The following PLB1 variants were observed in gnomAD, a reference collection of about 807,000 sequenced individuals.
PLB1 encodes the protein phospholipase B1.
A neutral mutation model predicts 227.4 loss-of-function variants in PLB1; 242 were observed. That is an observed-to-expected ratio of 1.06 (90% CI 0.96 to 1.18). The LOEUF (loss-of-function observed/expected upper bound fraction) is 1.18, where lower values mean the gene tolerates loss of function less well. PLB1 is among the 50% of genes most tolerant of loss of function. PLB1 has a pLI of 0.00. For synonymous variants in PLB1, 757 were observed against 682.2 expected, an observed-to-expected ratio of 1.11 and a Z score of -1.71; for missense variants, 1,858 against 1,816.3, an observed-to-expected ratio of 1.02 and a Z score of -0.42.
intron 44 of PLB1, among the ~76,000 whole-genome samples, chr2:28,616,890 G>A (rs934509828): frequency 1.3e-5 from 2 of 152,154 alleles, no homozygotes; most frequent in African/African-American, 4.8e-5. Flanking sequence ...CTGAACAGAT[G>A]AGATGAGTTT....
In PLB1 at chr2:28,525,970, A is replaced by G. The variant is rs148236420; in HGVS notation, c.325+25A>G. On this transcript the variant is annotated intron_variant, in intron 6 of 57. Coordinates refer to ENST00000327757, the MANE Select transcript of PLB1 (RefSeq NM_153021.5). ...GGTGAGTTGTGGTTTTCACGGCCAG[A>G]TTTCAGAGTGCCCCTCTCCTTCCCA... The G allele has an allele frequency of 2.5e-5, 41 of 1,613,816 alleles. No individual in the cohort carries two copies. The African/African-American group carries it at 4.5e-4, about 18-fold the overall frequency.
In PLB1 at chr2:28,541,763, C is replaced by T. The variant is rs757566419; in HGVS notation, c.831C>T (p.Thr277=). The T allele has an allele frequency of 1.6e-4, 256 of 1,613,920 alleles. No homozygotes were observed. The highest frequency in any genetic ancestry group is 9.0e-4 in the South Asian group (82 of 91,084). The part of the protein sequence containing the change: ...SSRYSEQESF[T]VVFQPFFYET... ...GGTACAGTGAGCAGGAGTCCTTCAC[C>T]GTGGTTTTCCAGCCTTTCTTCTATG... The change falls in exon 13 of 58, where the codon ACC becomes ACT. Residue 277 remains threonine (T), a synonymous_variant. Transcript: ENST00000327757.
chr2:28,594,819 G>A (rs1157790459), intron 33 of PLB1: 1 of 152,150 alleles, frequency 6.6e-6, no homozygotes, highest in African/African-American at 2.4e-5. Context: ...AGGCTGCCAT[G>A]GAACAAATCA....
intron 22 of PLB1, among the ~76,000 whole-genome samples, chr2:28,578,795 A>G (rs1444009119): frequency 3.3e-5 from 5 of 152,224 alleles, no homozygotes; most frequent in African/African-American, 1.2e-4. Flanking sequence ...AATGTACATC[A>G]AAGTCTATTA....
chr2:28,524,779 C>G (rs974677870), intron 4 of PLB1, among the ~76,000 whole-genome samples: 2 of 151,796 alleles, frequency 1.3e-5, no homozygotes, highest in Admixed American at 6.6e-5. Context: ...GCAGAGGAAG[C>G]CAAGAACTTT....
intron 53 of PLB1, among the ~76,000 whole-genome samples, chr2:28,629,815 G>A (rs1327032338): frequency 6.6e-6 from 1 of 152,208 alleles, no homozygotes; most frequent in African/African-American, 2.4e-5. Context: ...GGGGCTGGAA[G>A]TCATTAAAGC....
At chr2:28,534,240 T>C (rs988099569) in intron 9 of PLB1, among the ~76,000 whole-genome samples, 1 of 152,230 alleles carries the variant, frequency 6.6e-6, no homozygotes, top group Non-Finnish European at 1.5e-5. Flanking sequence ...CTGATGGCCA[T>C]GTAGGTATTT....
At position 28,620,895 on chromosome 2, in the gene PLB1, C is replaced by T. The variant is rs754896824; in HGVS notation, c.3444C>T (p.Phe1148=). 1 of 1,613,916 alleles carries T rather than the reference C, an allele frequency of 6.2e-7. No homozygotes were observed. The highest frequency in any genetic ancestry group is 1.1e-5 in the South Asian group (1 of 91,068). The part of the protein sequence containing the change: ...HTTLPNILKK[F]NPYLLGFSTS... ...CCTCTAAAGACATTCTGAAGAAGTT[C>T]AACCCTTACCTCCTTGGCTTCTCTA... Residue 1148 remains phenylalanine (F), a synonymous_variant, in exon 49 of 58, where the codon TTC becomes TTT. Transcript: ENST00000327757.
intron 12 of PLB1, among the ~76,000 whole-genome samples, chr2:28,541,185 TTAAA>T (rs35262780): frequency 6.7e-5 from 10 of 149,994 alleles, no homozygotes; most frequent in Non-Finnish European, 8.9e-5. Flanking sequence ...AATAAATAAA[TTAAA>T]TAAATAAATA....
rs1553448752 is a variant in PLB1 at position 28,597,263 on chromosome 2, C to CA, written c.2322-742_2322-741insA. ...TGGGCGACAGAGCAAGACTCCGTCT[C>CA]GAAAAAAAAAAAAAAAAAAATCCAT... is the stretch of plus-strand genomic sequence containing the variant. On this transcript the variant is annotated intron_variant, in intron 33 of 57. Transcript: ENST00000327757. Among the ~76,000 whole-genome samples the CA allele has an allele frequency of 1.4e-4, 14 of 103,638 alleles. 1 individual carries two copies. Among genetic ancestry groups the CA allele is most frequent in the African/African-American group, 4.1e-4 (12 of 29,422 alleles). 68.0% of individuals were successfully genotyped at this position (103,638 alleles called of 152,430 possible). A position where few individuals can be genotyped will look rare whatever the true frequency, so the allele number is the denominator to read the frequency against.
chr2:28,563,831 C>G (rs1407462971), intron 18 of PLB1, among the ~76,000 whole-genome samples: 2 of 152,128 alleles, frequency 1.3e-5, no homozygotes, highest in Non-Finnish European at 2.9e-5. Context: ...CCAGCTGAAT[C>G]CTCCCCAAGA....
chr2:28,550,215 C>T, intron 16 of PLB1, 131 bp downstream of exon 16: 1 of 633,454 alleles, frequency 1.6e-6, no homozygotes, highest in Non-Finnish European at 2.6e-6. Context: ...CTCTGTTGCC[C>T]AGGCTGGAGT....
Position 28,593,723 on chromosome 2 carries a change from GT to G in PLB1, c.2291del (p.Val764AlafsTer21), listed in dbSNP as rs1464285474. The G allele has an allele frequency of 3.7e-6, 6 of 1,613,924 alleles. No individual in the cohort carries two copies. The highest frequency in any genetic ancestry group is 3.4e-6 in the Non-Finnish European group (4 of 1,179,964). On this transcript the variant is annotated frameshift_variant, in exon 33 of 58. Transcript: ENST00000327757. LOFTEE classifies it high-confidence loss of function. ...CTCCAAACCAGACGACCTCCCCGAT[GT>G]CACCACACAGTATCGGGGACTGTCA... The part of the protein sequence containing the change: ...IGSKPDDLPD[V>X]TTQYRGLSYS...
At chr2:28,604,615 C>T (rs1195776249) in intron 40 of PLB1, 40 bp from the exon 41 acceptor site, 1 of 1,585,374 alleles carries the variant, frequency 6.3e-7, no homozygotes, top group Non-Finnish European at 8.6e-7. Flanking sequence ...CCTGGGCCCA[C>T]CCAGGGCCTG....
rs144206794 is a variant in PLB1 at position 28,600,917 on chromosome 2, C to T, written c.2526+57C>T. 6.9e-3 allele frequency: 10,278 copies of T among 1,488,512 alleles called. 52 individuals carry two copies. The highest frequency in any genetic ancestry group is 7.6e-3 in the Admixed American group (415 of 54,524). 92.2% of individuals were successfully genotyped at this position (1,488,512 alleles called of 1,614,324 possible). ...TAATTTTCTAACCCACTAAAGTTGT[C>T]TCCAAACGGAGTGGCCTGCTCTGAA... is the stretch of plus-strand genomic sequence containing the variant. On this transcript the variant is annotated intron_variant, in intron 36 of 57. Coordinates refer to ENST00000327757, the MANE Select transcript of PLB1 (RefSeq NM_153021.5).
chr2:28,624,459 T>C (rs1490472444), intron 49 of PLB1, among the ~76,000 whole-genome samples: 3 of 152,188 alleles, frequency 2.0e-5, no homozygotes, highest in Non-Finnish European at 4.4e-5. Context: ...CCAAATGGTA[T>C]TGTTTTATTT....
chr2:28,598,012 G>A lies in PLB1; in HGVS notation c.2329G>A (p.Gly777Arg), dbSNP rs764234808. 3.7e-6 allele frequency: 6 copies of A among 1,613,206 alleles called. No individual in the cohort carries two copies. The African/African-American group carries it at 6.7e-5, about 18-fold the overall frequency. ...QYRGLSYSAG[G>R]DGSLENVTTL... is the part of the protein sequence containing the mutation. ...CTTGCTCACTCCCTACAGTGCAGGA[G>A]GGGACGGCTCCCTGGAGAATGTGAC... is the stretch of plus-strand genomic sequence containing the variant. The change falls in exon 34 of 58, where the codon GGG becomes AGG. Residue 777 changes from glycine to arginine, a missense_variant. By Grantham distance (125) the Gly-to-Arg change is moderately radical. Transcript: ENST00000327757.
chr2:28,627,735 C>T (rs1488698501), intron 51 of PLB1, among the ~76,000 whole-genome samples: 1 of 152,192 alleles, frequency 6.6e-6, no homozygotes. Flanking sequence ...CTGGCCTCAG[C>T]TCTTCGTCTC....
At chr2:28,639,066 TA>T (rs35534591) in intron 56 of PLB1, among the ~76,000 whole-genome samples, 6,989 of 130,386 alleles carry the variant, frequency 0.054, 290 homozygotes, top group African/African-American at 0.14. Context: ...AGATTCCATC[TA>T]AAAAAAAAAA....
Sources: allele counts gnomAD v4.1 joint callset (sites outside exome capture counted in the v4.1 genomes callset), GRCh38; gene constraint gnomAD v4.1.1; transcripts MANE v1.5; gene names NCBI Gene and HGNC (gene_info 2026-07-23, HGNC 2026-07-21).